Variants in EGFR observed in about 807,000 individuals in gnomAD.
EGFR encodes avian erythroblastic leukemia viral (v-erb-b) oncogene homolog.
Under a neutral mutation model 143.0 loss-of-function variants are expected in EGFR, and 58 were observed. That is an observed-to-expected ratio of 0.41 (90% CI 0.33 to 0.50). EGFR has a LOEUF of 0.50. Among genes scored for constraint, EGFR ranks in the 20% least tolerant of loss-of-function variants. The pLI, the probability that EGFR is intolerant of heterozygous loss-of-function variation, is 0.39. For synonymous variants in EGFR, 613 were observed against 594.4 expected (o/e 1.03, Z -0.45); for missense variants, 1,307 against 1,579.0 (o/e 0.83, Z 2.92).
At chr7:55,096,900 C>A (rs1791506104) in intron 1 of EGFR, among the ~76,000 whole-genome samples, 2 of 152,132 alleles carry the variant, frequency 1.3e-5, no homozygotes, top group Non-Finnish European at 2.9e-5. Flanking sequence ...CAGAGGCTAG[C>A]ACATGTGCTT....
At chr7:55,170,293 C>G (rs367897552) in intron 15 of EGFR, 1 of 1,614,104 alleles carries the variant, frequency 6.2e-7, no homozygotes, top group Non-Finnish European at 8.5e-7. Context: ...ATGTACTTGT[C>G]CATCTTTCTC....
chr7:55,153,880 A>G (rs1785275431), intron 6 of EGFR, 131 bp from the exon 7 acceptor site: 28 of 1,397,346 alleles, frequency 2.0e-5, no homozygotes, highest in Non-Finnish European at 2.7e-5. Flanking sequence ...TTCCCACACT[A>G]GTGGAACACT....
rs55737335 is a variant in EGFR at position 55,201,256 on chromosome 7, A to G, written c.3015A>G (p.Glu1005=). 3.7e-3 allele frequency: 6,053 copies of G among 1,614,174 alleles called. 15 individuals carry two copies. The highest frequency in any genetic ancestry group is 4.8e-3 in the Non-Finnish European group (5,624 of 1,180,036). The change falls in exon 25 of 28, where the codon GAA becomes GAG. Residue 1005 remains glutamate (E), a synonymous_variant. Transcript: ENST00000275493. ...SNFYRALMDE[E]DMDDVVDADE... ...TCTACCGTGCCCTGATGGATGAAGA[A>G]GACATGGACGACGTGGTGGATGCCG...
At chr7:55,117,167 T>A (rs1467209715) in intron 1 of EGFR, among the ~76,000 whole-genome samples, 2 of 152,248 alleles carry the variant, frequency 1.3e-5, no homozygotes, top group Non-Finnish European at 2.9e-5. Flanking sequence ...GCCACATACA[T>A]CTTCCATATC....
At chr7:55,021,530 A>G (rs1205385228) in intron 1 of EGFR, among the ~76,000 whole-genome samples, 1 of 152,238 alleles carries the variant, frequency 6.6e-6, no homozygotes, top group Non-Finnish European at 1.5e-5. Flanking sequence ...ATGCTCCTGA[A>G]GACAAGAGAG....
chr7:55,062,759 C>T (rs922556591), intron 1 of EGFR, among the ~76,000 whole-genome samples: 1 of 152,090 alleles, frequency 6.6e-6, no homozygotes, highest in African/African-American at 2.4e-5. Context: ...CAGAAACGGA[C>T]TTGTGGCATC....
At chr7:55,138,327 T>C (rs773039468) in intron 1 of EGFR, among the ~76,000 whole-genome samples, 12 of 152,236 alleles carry the variant, frequency 7.9e-5, no homozygotes, top group Non-Finnish European at 1.0e-4. Context: ...GCATTTTGTA[T>C]GGAACTTGAT....
At chr7:55,047,447 C>A (rs977774804) in intron 1 of EGFR, among the ~76,000 whole-genome samples, 3 of 152,172 alleles carry the variant, frequency 2.0e-5, no homozygotes, top group Admixed American at 6.5e-5. Context: ...TGGCCTGCTG[C>A]TTTTAAAAGA....
chr7:55,142,873 AGG>A (rs1278982504), intron 2 of EGFR, among the ~76,000 whole-genome samples: 1 of 152,220 alleles, frequency 6.6e-6, no homozygotes, highest in East Asian at 1.9e-4. Context: ...ATGACCCCAT[AGG>A]AGCCAGCTCT....
chr7:55,149,991 G>A (rs1794948555), intron 4 of EGFR, among the ~76,000 whole-genome samples: 2 of 152,132 alleles, frequency 1.3e-5, no homozygotes, highest in South Asian at 4.1e-4. Flanking sequence ...TGAGTCTCAT[G>A]TCTTCTTTTT....
intron 1 of EGFR, among the ~76,000 whole-genome samples, chr7:55,126,278 T>A (rs1345427399): frequency 1.3e-5 from 2 of 152,238 alleles, no homozygotes; most frequent in Non-Finnish European, 2.9e-5. Flanking sequence ...TTGGTTCCAG[T>A]CAATGCTATG....
intron 1 of EGFR, among the ~76,000 whole-genome samples, chr7:55,058,505 T>A (rs1788971109): frequency 6.6e-6 from 1 of 152,018 alleles, no homozygotes; most frequent in South Asian, 2.1e-4. Context: ...GGTACATATA[T>A]ACCACGAAAT....
At chr7:55,107,825 T>A (rs1792229298) in intron 1 of EGFR, among the ~76,000 whole-genome samples, 1 of 152,236 alleles carries the variant, frequency 6.6e-6, no homozygotes, top group Non-Finnish European at 1.5e-5. Flanking sequence ...TGGCACAAGC[T>A]ATTCAAAAGA....
chr7:55,091,890 A>ACACACC (rs1343006974), intron 1 of EGFR, among the ~76,000 whole-genome samples: 22 of 96,704 alleles, frequency 2.3e-4, no homozygotes, highest in African/African-American at 4.8e-4. Flanking sequence ...ACACACACAC[A>ACACACC]CCCTGAGAGA....
At chr7:55,183,316 A>G (rs1786979454) in intron 20 of EGFR, among the ~76,000 whole-genome samples, 1 of 152,306 alleles carries the variant, frequency 6.6e-6, no homozygotes, top group South Asian at 2.1e-4. Context: ...GTTTGATTTG[A>G]TCACTCCGCT....
At chr7:55,083,998 A>G (rs1790618489) in intron 1 of EGFR, among the ~76,000 whole-genome samples, 1 of 152,244 alleles carries the variant, frequency 6.6e-6, no homozygotes, top group Admixed American at 6.5e-5. Context: ...TATTAATAAC[A>G]GGGTCAAGGC....
At chr7:55,107,537 A>C (rs773218306) in intron 1 of EGFR, among the ~76,000 whole-genome samples, 9 of 152,212 alleles carry the variant, frequency 5.9e-5, no homozygotes, top group Non-Finnish European at 1.3e-4. Context: ...ATTTGTGAAG[A>C]GTGGATGCTG....
At chr7:55,108,809 A>G (rs1196500871) in intron 1 of EGFR, among the ~76,000 whole-genome samples, 1 of 152,186 alleles carries the variant, frequency 6.6e-6, no homozygotes, top group Non-Finnish European at 1.5e-5. Context: ...GAGGCAATGG[A>G]TGGGTGGAAG....
intron 1 of EGFR, among the ~76,000 whole-genome samples, chr7:55,097,167 G>C (rs973431201): frequency 2.0e-5 from 3 of 152,132 alleles, no homozygotes; most frequent in Non-Finnish European, 2.9e-5. Flanking sequence ...CCAGTTCCAC[G>C]GCCCAGGAAT....
Sources: gnomAD v4.1 joint callset for allele counts (sites outside exome capture counted in the v4.1 genomes callset) on GRCh38, gnomAD v4.1.1 for gene constraint, MANE v1.5 for transcripts, NCBI Gene and HGNC (gene_info 2026-07-23, HGNC 2026-07-21) for gene names.